The following ZNF407 variants were observed in gnomAD, a reference collection of about 807,000 sequenced individuals.
ZNF407 encodes the protein zinc finger protein 407.
Under a neutral mutation model 131.2 loss-of-function variants are expected in ZNF407, and 17 were observed. The ratio of observed to expected loss-of-function variants is 0.13; its 90% CI spans 0.09 to 0.19. The LOEUF (loss-of-function observed/expected upper bound fraction) is 0.19. Ranked by LOEUF, ZNF407 falls within the 10% of genes least tolerant of loss-of-function variation. The pLI, the probability that ZNF407 is intolerant of heterozygous loss-of-function variation, is 1.00. For synonymous variants in ZNF407, 1,156 were observed against 1,062.0 expected, an observed-to-expected ratio of 1.09 and a Z score of -1.72; for missense variants, 2,681 against 2,830.6, an observed-to-expected ratio of 0.95 and a Z score of 1.20.
chr18:75,005,699 A>AC (rs1026907237), intron 8 of ZNF407, among the ~76,000 whole-genome samples: 926 of 56,126 alleles, frequency 0.016, 5 homozygotes, highest in Non-Finnish European at 0.026. Flanking sequence ...CATCCCCGCC[A>AC]CCCCCCCCAC....
chr18:74,762,534 A>G (rs942054952), intron 3 of ZNF407, among the ~76,000 whole-genome samples: 4 of 152,078 alleles, frequency 2.6e-5, no homozygotes, highest in African/African-American at 7.2e-5. Context: ...GATTATGATT[A>G]TACCCATTAC....
intron 4 of ZNF407, among the ~76,000 whole-genome samples, chr18:74,868,039 C>G (rs1246459243): frequency 6.6e-6 from 1 of 152,058 alleles, no homozygotes; most frequent in African/African-American, 2.4e-5. Flanking sequence ...TAAAATCCAT[C>G]GTAGTTATAT....
At chr18:74,956,021 T>G (rs960460485) in intron 8 of ZNF407, among the ~76,000 whole-genome samples, 1 of 152,226 alleles carries the variant, frequency 6.6e-6, no homozygotes. Context: ...GCCTTGTTTC[T>G]GGTTCTTTTT....
intron 3 of ZNF407, among the ~76,000 whole-genome samples, chr18:74,671,321 T>A (rs1000301096): frequency 6.7e-6 from 1 of 150,010 alleles, no homozygotes; most frequent in Non-Finnish European, 1.5e-5. Context: ...TGGACCACTG[T>A]TTTTTTTTGT....
intron 3 of ZNF407, among the ~76,000 whole-genome samples, chr18:74,741,600 A>G (rs1968551648): frequency 6.6e-6 from 1 of 152,150 alleles, no homozygotes; most frequent in Non-Finnish European, 1.5e-5. Context: ...TGTAAAAACA[A>G]AGGACAGTGT....
At chr18:75,059,338 G>T (rs559359493) in intron 8 of ZNF407, among the ~76,000 whole-genome samples, 1 of 152,290 alleles carries the variant, frequency 6.6e-6, no homozygotes, top group African/African-American at 2.4e-5. Context: ...TGAAGAAGAG[G>T]ATGTTTGTTC....
chr18:74,775,302 G>A (rs1007628025), intron 3 of ZNF407, among the ~76,000 whole-genome samples: 5 of 152,110 alleles, frequency 3.3e-5, no homozygotes, highest in African/African-American at 1.2e-4. Context: ...TGCTCAGGTC[G>A]GAACAGTATT....
In ZNF407 at chr18:75,028,388, C is replaced by G. The variant is rs77018450; in HGVS notation, c.5429-34762C>G. ...CTTGTGTCCTATGTGTTGATCTCCA[C>G]CTGTAAGGACCCTGGTCACATTCGA... On this transcript the variant is annotated intron_variant, in intron 8 of 8. Coordinates refer to ENST00000299687, the MANE Select transcript of ZNF407 (RefSeq NM_017757.3). Among the ~76,000 whole-genome samples the G allele has an allele frequency of 1.3e-3, 197 of 151,544 alleles. 1 individual carries two copies. Among genetic ancestry groups the G allele is most frequent in the African/African-American group, 4.3e-3 (179 of 41,274 alleles).
At chr18:74,780,082 A>G (rs1374340484) in intron 3 of ZNF407, among the ~76,000 whole-genome samples, 1 of 151,728 alleles carries the variant, frequency 6.6e-6, no homozygotes, top group Non-Finnish European at 1.5e-5. Flanking sequence ...ATTTCATTTT[A>G]GTGATTGATG....
intron 3 of ZNF407, among the ~76,000 whole-genome samples, chr18:74,675,527 G>C (rs1405954518): frequency 6.6e-6 from 1 of 152,150 alleles, no homozygotes; most frequent in African/African-American, 2.4e-5. Context: ...ATAAGTAGTA[G>C]AGTCAAACAA....
At chr18:74,966,422 T>C (rs988644449) in intron 8 of ZNF407, among the ~76,000 whole-genome samples, 2 of 152,228 alleles carry the variant, frequency 1.3e-5, no homozygotes, top group Admixed American at 6.5e-5. Flanking sequence ...GAAGAGGCTG[T>C]CTTTTCCACA....
intron 3 of ZNF407, among the ~76,000 whole-genome samples, chr18:74,656,153 T>G (rs1360989911): frequency 6.6e-6 from 1 of 152,092 alleles, no homozygotes; most frequent in Non-Finnish European, 1.5e-5. Context: ...TAAAAGAAAT[T>G]TTACTCACAC....
rs1336340438 is a variant in ZNF407 at position 74,785,858 on chromosome 18, TGGCACACAC to T, written c.4877+4358_4877+4366del. 1.5e-4 allele frequency among the ~76,000 whole-genome samples: 23 copies of T among 151,502 alleles called. 1 individual carries two copies. In the South Asian group the frequency reaches 4.6e-3, roughly 30 times the overall value. On this transcript the variant is annotated intron_variant, in intron 4 of 8. Transcript: ENST00000299687. Reference sequence around the variant, plus strand: ...TCACATGGCATGCACATGGCCCACATGGCACACACGTCACTCACATGGCACGCACATGGC... The same window carrying T: ...TCACATGGCATGCACATGGCCCACATGTCACTCACATGGCACGCACATGGC...
At chr18:74,978,340 G>T (rs1174716934) in intron 8 of ZNF407, among the ~76,000 whole-genome samples, 1 of 152,140 alleles carries the variant, frequency 6.6e-6, no homozygotes, top group Non-Finnish European at 1.5e-5. Flanking sequence ...CATCAAATAG[G>T]TCGTAAGGAG....
At chr18:74,974,147 C>T (rs1005880937) in intron 8 of ZNF407, among the ~76,000 whole-genome samples, 4 of 152,064 alleles carry the variant, frequency 2.6e-5, no homozygotes, top group South Asian at 2.1e-4. Context: ...TGCAGATGTG[C>T]GATGGACATT....
At chr18:74,945,955 A>T (rs923437371) in intron 8 of ZNF407, among the ~76,000 whole-genome samples, 3 of 152,160 alleles carry the variant, frequency 2.0e-5, no homozygotes, top group African/African-American at 7.2e-5. Flanking sequence ...AAACTAAGTG[A>T]CAGGCCTCCG....
At chr18:74,943,940 T>A (rs1972127847) in intron 8 of ZNF407, among the ~76,000 whole-genome samples, 1 of 152,200 alleles carries the variant, frequency 6.6e-6, no homozygotes, top group Non-Finnish European at 1.5e-5. Flanking sequence ...ATGCTAGATA[T>A]TACCTGTATC....
intron 3 of ZNF407, among the ~76,000 whole-genome samples, chr18:74,748,137 A>G (rs1040092535): frequency 2.6e-5 from 4 of 152,154 alleles, no homozygotes; most frequent in African/African-American, 7.2e-5. Context: ...TTTTAATGCT[A>G]TAAAGTTTCT....
At chr18:74,786,622 T>C (rs947734016) in intron 4 of ZNF407, among the ~76,000 whole-genome samples, 3 of 151,968 alleles carry the variant, frequency 2.0e-5, no homozygotes, top group African/African-American at 4.8e-5. Flanking sequence ...GGTTGCTTAT[T>C]TTGTTGCGTG....
Sources: allele counts gnomAD v4.1 joint callset (sites outside exome capture counted in the v4.1 genomes callset), GRCh38; gene constraint gnomAD v4.1.1; transcripts MANE v1.5; gene names NCBI Gene and HGNC (gene_info 2026-07-23, HGNC 2026-07-21).